TRIM23: variants seen among roughly 807,000 people sequenced by gnomAD.
TRIM23 encodes E3 ubiquitin-protein ligase TRIM23.
A neutral mutation model predicts 71.0 loss-of-function variants in TRIM23; 27 were observed. That is an observed-to-expected ratio of 0.38 (90% CI 0.28 to 0.52). The LOEUF (loss-of-function observed/expected upper bound fraction) is 0.52, where lower values mean the gene tolerates loss of function less well. Ranked by LOEUF, TRIM23 falls within the 20% of genes least tolerant of loss-of-function variation. TRIM23 has a pLI of 0.84. For synonymous variants in TRIM23, 234 were observed against 238.0 expected (o/e 0.98, Z 0.16); for missense variants, 482 against 692.3 (o/e 0.70, Z 3.41).
chr5:65,598,697 G>A (rs1226070070), intron 7 of TRIM23, among the ~76,000 whole-genome samples: 18 of 151,452 alleles, frequency 1.2e-4, no homozygotes, highest in Non-Finnish European at 2.7e-4. Context: ...GCAGTGAGCC[G>A]AGATCGCGCC....
At chr5:65,614,285 C>A in intron 2 of TRIM23, 66 bp from the exon 3 acceptor site, 1 of 1,482,148 alleles carries the variant, frequency 6.7e-7, no homozygotes, top group Non-Finnish European at 9.4e-7. Context: ...TTACCCATAC[C>A]TCAAAAGTAA....
intron 6 of TRIM23, 100 bp downstream of exon 6, chr5:65,609,143 C>G: frequency 3.4e-6 from 4 of 1,192,892 alleles, no homozygotes; most frequent in Non-Finnish European, 4.8e-6. Flanking sequence ...TTACTGCATA[C>G]AGCAGACACA....
intron 1 of TRIM23, among the ~76,000 whole-genome samples, chr5:65,620,057 C>T (rs1209861438): frequency 6.6e-6 from 1 of 152,028 alleles, no homozygotes; most frequent in Admixed American, 6.6e-5. Context: ...CGCACTCCAG[C>T]CTAGGTGACA....
At chr5:65,618,063 A>T (rs1161922729) in intron 2 of TRIM23, 30 bp downstream of exon 2, 1 of 1,558,194 alleles carries the variant, frequency 6.4e-7, no homozygotes. Flanking sequence ...ACAATTTTCA[A>T]TCTTAAATCC....
chr5:65,616,587 A>G (rs1263503595), intron 2 of TRIM23, among the ~76,000 whole-genome samples: 3 of 143,094 alleles, frequency 2.1e-5, no homozygotes, highest in African/African-American at 7.8e-5. Flanking sequence ...GGCTGCAGTG[A>G]GCTGAGATCG....
intron 2 of TRIM23, 32 bp from the exon 3 acceptor site, chr5:65,614,251 T>C: frequency 6.3e-7 from 1 of 1,587,856 alleles, no homozygotes; most frequent in Middle Eastern, 1.7e-4. Flanking sequence ...AAACTAAATC[T>C]AACAAAATGG....
Position 65,591,375 on chromosome 5 carries a change from G to A in TRIM23, c.*394C>T. On this transcript the variant is annotated 3_prime_UTR_variant, in exon 11 of 11. Coordinates refer to ENST00000231524, the MANE Select transcript of TRIM23 (RefSeq NM_001656.4). ...TAAAAGAAGCAGCTATACTTCACTT[G>A]CTTCACACAGAGGTCTCATTAGGCA... 3 of 1,534,850 alleles carry A rather than the reference G, an allele frequency of 2.0e-6. No homozygotes were observed. The highest frequency in any genetic ancestry group is 3.6e-4 in the Middle Eastern group (2 of 5,542).
chr5:65,612,582 G>T (rs1485139962), intron 3 of TRIM23, among the ~76,000 whole-genome samples: 1 of 152,008 alleles, frequency 6.6e-6, no homozygotes, highest in East Asian at 1.9e-4. Flanking sequence ...ACTTTAAGAA[G>T]GCTGAGGCAG....
chr5:65,605,113 C>A, intron 6 of TRIM23, 68 bp from the exon 7 acceptor site: 1 of 1,399,248 alleles, frequency 7.1e-7, no homozygotes, highest in Non-Finnish European at 9.5e-7. Context: ...ACTTATATTA[C>A]CAACTCACAA....
chr5:65,611,655 C>T lies in TRIM23; in HGVS notation c.593G>A (p.Ser198Asn). Residue 198 changes from serine (S) to asparagine (N), a missense_variant, in exon 4 of 11, where the codon AGC becomes AAC. Ser to Asn is a conservative substitution (Grantham distance 46). Around this residue, in one of 2 missense-constraint regions of TRIM23, gnomAD observed 307 missense variants for 495.8 expected, o/e 0.62. Transcript: ENST00000231524. ...FVCLEEGCQT[S>N]PLMCCVCKEY... ...TTTGCAGACACAGCACATGAGTGGG[C>T]TAGTTTGACAACCTTCTTCCAAGCA... is the stretch of plus-strand genomic sequence containing the variant. The T allele has an allele frequency of 1.2e-6, 2 of 1,614,144 alleles. 1 individual carries two copies. Among genetic ancestry groups the T allele is most frequent in the South Asian group, 2.2e-5 (2 of 91,084 alleles).
chr5:65,605,865 G>A (rs535280162), intron 6 of TRIM23, among the ~76,000 whole-genome samples: 3 of 152,250 alleles, frequency 2.0e-5, no homozygotes, highest in East Asian at 1.9e-4. Context: ...CAGGACAAAC[G>A]CTGAAGTCAT....
intron 4 of TRIM23, 146 bp downstream of exon 4, chr5:65,611,457 T>G (rs910630270): frequency 3.6e-5 from 30 of 838,890 alleles, no homozygotes; most frequent in Middle Eastern, 6.5e-4. Context: ...ATCTCTCATT[T>G]ATTTTCATGC....
At chr5:65,607,587 C>A (rs1263242142) in intron 6 of TRIM23, among the ~76,000 whole-genome samples, 1 of 152,140 alleles carries the variant, frequency 6.6e-6, no homozygotes, top group Non-Finnish European at 1.5e-5. Context: ...TAAATTAAGC[C>A]CCTTTCCTTT....
At chr5:65,614,875 C>T (rs1460106124) in intron 2 of TRIM23, among the ~76,000 whole-genome samples, 1 of 152,046 alleles carries the variant, frequency 6.6e-6, no homozygotes, top group Admixed American at 6.6e-5. Flanking sequence ...TATTTTGCCA[C>T]AGTTTAAAAA....
chr5:65,624,080 C>CCA (rs1692880219), intron 1 of TRIM23, 114 bp downstream of exon 1: 18 of 1,262,968 alleles, frequency 1.4e-5, no homozygotes, highest in Non-Finnish European at 2.0e-5. Flanking sequence ...CAAAAGGGGC[C>CCA]CAGAGGCCGC....
chr5:65,594,190 A>C (rs2292153), intron 10 of TRIM23, among the ~76,000 whole-genome samples: 5,084 of 152,258 alleles, frequency 0.033, 144 homozygotes, highest in Middle Eastern at 0.092. Context: ...CAAATTCTAC[A>C]TTTTACAATC....
At position 65,591,537 on chromosome 5, in the gene TRIM23, T is replaced by C; in HGVS notation, c.*232A>G. 2 of 1,482,158 alleles carry C rather than the reference T, an allele frequency of 1.3e-6. No individual in the cohort carries two copies. The highest frequency in any genetic ancestry group is 1.8e-6 in the Non-Finnish European group (2 of 1,099,896). The allele number at this position is 1,482,158 out of a possible 1,614,324, so 91.8% of individuals were successfully genotyped here. ...CAAATATACTTTTTAAAAGAATGTA[T>C]ATTCAATAAGTTTCTATTTAATTCA... On this transcript the variant is annotated 3_prime_UTR_variant, in exon 11 of 11. Coordinates refer to ENST00000231524, the MANE Select transcript of TRIM23 (RefSeq NM_001656.4).
chr5:65,624,229 C>T lies in TRIM23; in HGVS notation c.46G>A (p.Gly16Ser), dbSNP rs1448395474. Residue 16 changes from glycine (G) to serine (S), a missense_variant, in exon 1 of 11, where the codon GGC becomes AGC. Physicochemically the swap from Gly to Ser is moderately conservative, Grantham distance 56. Transcript: ENST00000231524. ...GCTGTCCCCCGGCTGCCCTGCCGGCCACTGTCTACTCCCGCTCCGAGCTTG... is the reference window on the plus strand; with the variant it reads ...GCTGTCCCCCGGCTGCCCTGCCGGCTACTGTCTACTCCCGCTCCGAGCTTG... Reference protein sequence around the residue: ...VNKLGAGVDSGRQGSRGTAVV... With the variant: ...VNKLGAGVDSSRQGSRGTAVV... The T allele has an allele frequency of 1.9e-6, 3 of 1,614,112 alleles. No individual in the cohort carries two copies. Among genetic ancestry groups the T allele is most frequent in the Admixed American group, 1.7e-5 (1 of 60,012 alleles).
At chr5:65,613,730 G>A (rs1020459968) in intron 3 of TRIM23, 1 of 1,187,086 alleles carries the variant, frequency 8.4e-7, no homozygotes, top group African/African-American at 1.6e-5. Flanking sequence ...CTCTTACATC[G>A]AGTTTTTCTT....
Sources: allele counts gnomAD v4.1 joint callset (sites outside exome capture counted in the v4.1 genomes callset), GRCh38; gene constraint gnomAD v4.1.1; regional missense constraint gnomAD v4.1.1; transcripts MANE v1.5; gene names NCBI Gene and HGNC (gene_info 2026-07-23, HGNC 2026-07-21).